SLC4A4: variants seen among roughly 807,000 people sequenced by gnomAD.
The protein encoded by SLC4A4 is solute carrier family 4 member 4, also known as electrogenic sodium bicarbonate cotransporter 1.
SLC4A4 carries 27 observed loss-of-function variants against 111.5 expected under a neutral mutation model. That is an observed-to-expected ratio of 0.24 (90% CI 0.18 to 0.33). SLC4A4 has a LOEUF of 0.33. SLC4A4 is among the 10% of genes least tolerant of loss of function. The probability of loss-of-function intolerance (pLI) is 1.00; values close to 1 mark genes in which losing one functional copy is unlikely to be tolerated. For synonymous variants in SLC4A4, 443 were observed against 463.4 expected, an observed-to-expected ratio of 0.96 and a Z score of 0.57; for missense variants, 909 against 1,315.5, an observed-to-expected ratio of 0.69 and a Z score of 4.78.
At chr4:71,419,075 G>T (rs556924806) in intron 7 of SLC4A4, among the ~76,000 whole-genome samples, 89 of 152,114 alleles carry the variant, frequency 5.9e-4, no homozygotes, top group Non-Finnish European at 1.0e-3. Flanking sequence ...AGGAGTACCC[G>T]GCCGTGTGAA....
intron 17 of SLC4A4, 132 bp from the exon 18 acceptor site, chr4:71,534,095 G>A (rs549453164): frequency 1.3e-6 from 1 of 757,962 alleles, no homozygotes; most frequent in African/African-American, 1.7e-5. Context: ...TCATTCTCTA[G>A]CTCATAACTG....
intron 4 of SLC4A4, among the ~76,000 whole-genome samples, chr4:71,344,762 A>ATT (rs1473886501): frequency 6.6e-6 from 1 of 152,128 alleles, no homozygotes; most frequent in East Asian, 1.9e-4. Flanking sequence ...TTTCCTACAC[A>ATT]TTATTGAGAT....
chr4:71,118,756 T>C (rs181333602), intron 2 of SLC4A4, among the ~76,000 whole-genome samples: 52 of 152,322 alleles, frequency 3.4e-4, no homozygotes, highest in African/African-American at 1.1e-3. Context: ...GAAGTCCTTG[T>C]TACTTTATAT....
chr4:71,090,447 C>A (rs1451013497), intron 1 of SLC4A4, among the ~76,000 whole-genome samples: 4 of 152,166 alleles, frequency 2.6e-5, no homozygotes, highest in African/African-American at 9.7e-5. Flanking sequence ...AACCTGGTAC[C>A]TCGGTTGGAA....
intron 1 of SLC4A4, among the ~76,000 whole-genome samples, chr4:71,202,070 C>T (rs927929555): frequency 3.3e-5 from 5 of 152,142 alleles, no homozygotes; most frequent in African/African-American, 4.8e-5. Flanking sequence ...AGAAGCTCCT[C>T]GAAGTGTTGG....
At chr4:71,195,720 C>T (rs1271674888) in intron 1 of SLC4A4, among the ~76,000 whole-genome samples, 1 of 152,190 alleles carries the variant, frequency 6.6e-6, no homozygotes, top group Non-Finnish European at 1.5e-5. Context: ...TCGGTTCTTA[C>T]TTGACACATG....
chr4:71,501,435 G>A (rs1054336005), intron 16 of SLC4A4, among the ~76,000 whole-genome samples: 8 of 151,350 alleles, frequency 5.3e-5, no homozygotes, highest in African/African-American at 1.9e-4. Context: ...ATGTGTCTAG[G>A]AATTTACCCA....
At chr4:71,397,321 T>C (rs1369862911) in intron 6 of SLC4A4, among the ~76,000 whole-genome samples, 1 of 152,202 alleles carries the variant, frequency 6.6e-6, no homozygotes, top group African/African-American at 2.4e-5. Flanking sequence ...AGAAGTTTCT[T>C]TCAAAGTTTA....
intron 2 of SLC4A4, among the ~76,000 whole-genome samples, chr4:71,093,822 G>A (rs969378814): frequency 4.6e-5 from 7 of 152,106 alleles, no homozygotes; most frequent in African/African-American, 1.7e-4. Flanking sequence ...ATTATAATTT[G>A]CTCCAAATAA....
intron 3 of SLC4A4, among the ~76,000 whole-genome samples, chr4:71,332,302 G>T (rs4639039): frequency 6.6e-6 from 1 of 151,806 alleles, no homozygotes; most frequent in African/African-American, 2.4e-5. Flanking sequence ...TTAAATTATC[G>T]CTTTGAATAA....
In SLC4A4 at chr4:71,491,019, T is replaced by G. The variant is rs570940390; in HGVS notation, c.1974+4001T>G. Among the ~76,000 whole-genome samples, 5 of 107,076 alleles carry G rather than the reference T, an allele frequency of 4.7e-5. No individual in the cohort carries two copies. The South Asian group carries it at 1.3e-3, about 27-fold the overall frequency. The allele number at this position is 107,076 out of a possible 152,430, so 70.2% of individuals were successfully genotyped here. A position where few individuals can be genotyped will look rare whatever the true frequency, so the allele number is the denominator to read the frequency against. Reference sequence around the variant, plus strand: ...TTTTTTCCTCATCTTAATGGTGAGTTTTTTAAAACTATGATTTTTATAGGG... The same window carrying G: ...TTTTTTCCTCATCTTAATGGTGAGTGTTTTAAAACTATGATTTTTATAGGG... On this transcript the variant is annotated intron_variant, in intron 15 of 25. Transcript: ENST00000264485.
chr4:71,145,791 A>C (rs534204324), intron 2 of SLC4A4, among the ~76,000 whole-genome samples: 23 of 151,806 alleles, frequency 1.5e-4, no homozygotes, highest in Non-Finnish European at 2.9e-4. Flanking sequence ...ATCGGTGGTG[A>C]TATCCCCTTT....
intron 3 of SLC4A4, among the ~76,000 whole-genome samples, chr4:71,282,218 A>C (rs1377026137): frequency 2.0e-5 from 3 of 151,932 alleles, no homozygotes; most frequent in African/African-American, 7.3e-5. Context: ...AAAATAATTC[A>C]TTTGGCCATT....
At chr4:71,258,384 T>C (rs1721610503) in intron 3 of SLC4A4, among the ~76,000 whole-genome samples, 1 of 152,222 alleles carries the variant, frequency 6.6e-6, no homozygotes, top group South Asian at 2.1e-4. Flanking sequence ...CCCTTCATTA[T>C]TCTTTCCCAA....
chr4:71,311,890 T>TGTGAGA (rs1553888177), intron 3 of SLC4A4, among the ~76,000 whole-genome samples: 18 of 76,610 alleles, frequency 2.3e-4, no homozygotes, highest in African/African-American at 3.8e-4. Flanking sequence ...TGCAAGGCTG[T>TGTGAGA]GAGAGAGAGA....
At chr4:71,491,187 ATAAGG>A (rs1468155287) in intron 15 of SLC4A4, among the ~76,000 whole-genome samples, 1 of 151,866 alleles carries the variant, frequency 6.6e-6, no homozygotes, top group Non-Finnish European at 1.5e-5. Context: ...GCTGTAGATG[ATAAGG>A]TAAGATTTCA....
intron 1 of SLC4A4, among the ~76,000 whole-genome samples, chr4:71,188,223 G>A (rs560918464): frequency 6.6e-6 from 1 of 152,136 alleles, no homozygotes; most frequent in Non-Finnish European, 1.5e-5. Context: ...AGTTCTTATA[G>A]AACAAAAAGA....
chr4:71,376,571 C>T (rs753077300), intron 6 of SLC4A4, among the ~76,000 whole-genome samples: 1 of 145,906 alleles, frequency 6.9e-6, no homozygotes, highest in Non-Finnish European at 1.5e-5. Context: ...GTCATTTAAT[C>T]ATATATATAT....
chr4:71,132,675 G>A lies in SLC4A4; in HGVS notation c.-2+39883G>A, dbSNP rs554208163. 1.3e-3 allele frequency among the ~76,000 whole-genome samples: 200 copies of A among 152,274 alleles called. 1 individual carries two copies. Among genetic ancestry groups the A allele is most frequent in the African/African-American group, 4.7e-3 (195 of 41,542 alleles). On this transcript the variant is annotated intron_variant, in intron 2 of 26. Transcript: ENST00000649996. ...CTTCTGTTGCAACTGCCTGCTTACT[G>A]GTATTGCATAGTAAGATGAAGAAAA... is the stretch of plus-strand genomic sequence containing the variant.
Sources: allele counts gnomAD v4.1 joint callset (sites outside exome capture counted in the v4.1 genomes callset), GRCh38; gene constraint gnomAD v4.1.1; transcripts MANE v1.5; gene names NCBI Gene and HGNC (gene_info 2026-07-23, HGNC 2026-07-21).